The following ST3GAL3 variants were observed in gnomAD, a reference collection of about 807,000 sequenced individuals.
ST3GAL3 encodes the protein CMP-N-acetylneuraminate-beta-1,4-galactoside alpha-2,3-sialyltransferase.
In ST3GAL3, 21 loss-of-function variants were observed where a neutral mutation model predicts 50.1. The ratio of observed to expected loss-of-function variants is 0.42; its 90% confidence interval spans 0.30 to 0.60. ST3GAL3 has a LOEUF of 0.60. ST3GAL3 is among the 20% of genes least tolerant of loss of function. ST3GAL3 has a pLI of 0.19. For missense variants in ST3GAL3, 353 were observed against 489.4 expected (o/e 0.72, Z 2.63); for synonymous variants, 183 against 190.0 (o/e 0.96, Z 0.30).
chr1:43,770,330 C>T (rs962249175), intron 2 of ST3GAL3, among the ~76,000 whole-genome samples: 10 of 151,452 alleles, frequency 6.6e-5, no homozygotes, highest in African/African-American at 1.7e-4. Flanking sequence ...GGACGGGCCT[C>T]AAGTTTTTAG....
At chr1:43,895,639 C>T (rs2077286285) in intron 6 of ST3GAL3, among the ~76,000 whole-genome samples, 1 of 152,210 alleles carries the variant, frequency 6.6e-6, no homozygotes, top group Non-Finnish European at 1.5e-5. Flanking sequence ...CCTGAACCCT[C>T]TACTCAGCCA....
chr1:43,717,771 G>A (rs1463993990), intron 1 of ST3GAL3, among the ~76,000 whole-genome samples: 1 of 151,906 alleles, frequency 6.6e-6, no homozygotes, highest in Non-Finnish European at 1.5e-5. Flanking sequence ...GCCTCCCAAA[G>A]TATTGGGATT....
At chr1:43,755,957 C>T (rs1425002065) in intron 2 of ST3GAL3, among the ~76,000 whole-genome samples, 1 of 151,752 alleles carries the variant, frequency 6.6e-6, no homozygotes, top group Admixed American at 6.6e-5. Context: ...AAAAATTAGC[C>T]TGGCATGGTG....
At chr1:43,727,989 C>T (rs1270513026) in intron 1 of ST3GAL3, among the ~76,000 whole-genome samples, 1 of 151,708 alleles carries the variant, frequency 6.6e-6, no homozygotes, top group Non-Finnish European at 1.5e-5. Flanking sequence ...AGCATAGTAC[C>T]CAACAGTTCA....
At chr1:43,831,476 A>G (rs1473141115) in intron 4 of ST3GAL3, among the ~76,000 whole-genome samples, 2 of 151,704 alleles carry the variant, frequency 1.3e-5, no homozygotes, top group African/African-American at 2.4e-5. Flanking sequence ...GACACCACCA[A>G]CTCTTTCTGT....
At chr1:43,898,360 G>T in intron 7 of ST3GAL3, 62 bp downstream of exon 7, 1 of 1,560,758 alleles carries the variant, frequency 6.4e-7, no homozygotes. Context: ...GAGGTGTTGA[G>T]GCCCAGCTGG....
chr1:43,899,604 C>T lies in ST3GAL3; in HGVS notation c.621C>T (p.Ile207=). ...TGGGCAGCAAAACGACACTGCGCATCACCTACCCCGAGGGCGCCATGCAGC... is the reference window on the plus strand; with the variant it reads ...TGGGCAGCAAAACGACACTGCGCATTACCTACCCCGAGGGCGCCATGCAGC... ...KDVGSKTTLR[I]TYPEGAMQRP... The change falls in exon 9 of 12, where the codon ATC becomes ATT. Residue 207 remains isoleucine, a synonymous_variant. Transcript: ENST00000347631. The surrounding 1 kb of genome is among the most constrained non-coding windows in gnomAD (Gnocchi z 5.4). 3 of 1,614,162 alleles carry T rather than the reference C, an allele frequency of 1.9e-6. No homozygotes were observed. Among genetic ancestry groups the T allele is most frequent in the Non-Finnish European group, 2.5e-6 (3 of 1,180,034 alleles).
chr1:43,803,341 T>C (rs2059522441), intron 3 of ST3GAL3, among the ~76,000 whole-genome samples: 1 of 149,082 alleles, frequency 6.7e-6, no homozygotes, highest in Non-Finnish European at 1.5e-5. Context: ...GCAGTTTGAA[T>C]CCAGCCTGGG....
intron 1 of ST3GAL3, among the ~76,000 whole-genome samples, chr1:43,723,103 C>G (rs192803417): frequency 6.7e-4 from 101 of 151,328 alleles, no homozygotes; most frequent in Non-Finnish European, 1.1e-3. Flanking sequence ...TCCCCTCTCT[C>G]TCTTCCCTCC....
rs553215711 is a variant in ST3GAL3, at chr1:43,930,759, C to A, written c.*538C>A. ...ATGGTGGGCAGGATCTCAAGCCAGC[C>A]CCCTCCAGCTCATGACACTGTTTGG... is the stretch of plus-strand genomic sequence containing the variant. On this transcript the variant is annotated 3_prime_UTR_variant, in exon 12 of 12. Transcript: ENST00000347631. The A allele has an allele frequency of 1.8e-5, 4 of 216,960 alleles. No individual in the cohort carries two copies. The highest frequency in any genetic ancestry group is 1.5e-4 in the South Asian group (2 of 13,248). The allele number at this position is 216,960 out of a possible 1,614,324, so 13.4% of individuals were successfully genotyped here. A position where few individuals can be genotyped will look rare whatever the true frequency, so the allele number is the denominator to read the frequency against.
chr1:43,834,590 C>T (rs1244629744), intron 4 of ST3GAL3, among the ~76,000 whole-genome samples: 5 of 152,190 alleles, frequency 3.3e-5, no homozygotes, highest in Non-Finnish European at 7.3e-5. Flanking sequence ...GCCTCACACT[C>T]TCCTGCTCTT....
chr1:43,858,027 T>G, intron 5 of ST3GAL3: 7 of 748,456 alleles, frequency 9.4e-6, no homozygotes, highest in Non-Finnish European at 1.4e-5. Context: ...ACAGATGGTT[T>G]GAGAAGTGTC....
chr1:43,883,433 C>T (rs1167625361), intron 5 of ST3GAL3, among the ~76,000 whole-genome samples: 2 of 152,202 alleles, frequency 1.3e-5, no homozygotes, highest in East Asian at 3.8e-4. Flanking sequence ...ATATCCACTG[C>T]AACGTGCCAA....
At chr1:43,850,391 T>G (rs1247917397) in intron 5 of ST3GAL3, 1 of 564,878 alleles carries the variant, frequency 1.8e-6, no homozygotes, top group African/African-American at 1.9e-5. Context: ...TATGCCCTGC[T>G]AGTCTCTCCT....
chr1:43,896,943 A>G (rs2077468207), intron 6 of ST3GAL3: 1 of 151,992 alleles, frequency 6.6e-6, no homozygotes, highest in South Asian at 2.1e-4. Context: ...TTATATGTAC[A>G]TGTATTTGTG....
Position 43,806,713 on chromosome 1 carries a change from G to A in ST3GAL3, c.167-8178G>A, listed in dbSNP as rs573192999. On this transcript the variant is annotated intron_variant, in intron 3 of 11. Transcript: ENST00000347631. ...AATTTAATTTTTTTATTTTGAAACA[G>A]GGTCTTACTCCCGTTGCCCAGGCCA... Among the ~76,000 whole-genome samples the A allele has an allele frequency of 1.1e-4, 16 of 152,328 alleles. No individual in the cohort carries two copies. In the South Asian group the frequency reaches 3.3e-3, roughly 32 times the overall value.
intron 2 of ST3GAL3, among the ~76,000 whole-genome samples, chr1:43,745,586 A>AT (rs774700950): frequency 1.3e-5 from 2 of 152,194 alleles, no homozygotes; most frequent in Non-Finnish European, 1.5e-5. Flanking sequence ...GTTCCGTAAG[A>AT]TTATAATATC....
intron 6 of ST3GAL3, among the ~76,000 whole-genome samples, chr1:43,897,899 C>T (rs1027497649): frequency 6.6e-6 from 1 of 152,212 alleles, no homozygotes; most frequent in African/African-American, 2.4e-5. Context: ...GCGCCAGCTT[C>T]CAGGGAAGGC....
intron 5 of ST3GAL3, among the ~76,000 whole-genome samples, chr1:43,859,884 T>TC: frequency 6.6e-6 from 1 of 152,160 alleles, no homozygotes; most frequent in African/African-American, 2.4e-5. Context: ...CCCGTCTCCA[T>TC]CACCCATCCT....
Sources: allele counts gnomAD v4.1 joint callset (sites outside exome capture counted in the v4.1 genomes callset), GRCh38; gene constraint gnomAD v4.1.1; non-coding constraint Gnocchi (gnomAD v3.1); transcripts MANE v1.5; gene names NCBI Gene and HGNC (gene_info 2026-07-23, HGNC 2026-07-21).